TBCA: variants seen among roughly 807,000 people sequenced by gnomAD.
TBCA encodes the protein tubulin folding cofactor A, also known as tubulin-specific chaperone A.
Under a neutral mutation model 15.8 loss-of-function variants are expected in TBCA, and 6 were observed. The ratio of observed to expected loss-of-function variants is 0.38; its 90% confidence interval spans 0.21 to 0.75. The LOEUF (loss-of-function observed/expected upper bound fraction) is 0.75. TBCA is among the 30% of genes least tolerant of loss of function. The pLI, the probability that TBCA is intolerant of heterozygous loss-of-function variation, is 0.46. For missense variants in TBCA, 90 were observed against 131.2 expected (o/e 0.69, Z 1.53); for synonymous variants, 32 against 42.3 (o/e 0.76, Z 0.94).
At chr5:77,694,518 C>T (rs1051939430) in intron 2 of TBCA, among the ~76,000 whole-genome samples, 1 of 152,012 alleles carries the variant, frequency 6.6e-6, no homozygotes, top group Non-Finnish European at 1.5e-5. Context: ...TAAGTTAATG[C>T]CACATATTGG....
intron 1 of TBCA, among the ~76,000 whole-genome samples, chr5:77,752,380 T>C (rs1047436254): frequency 2.0e-5 from 3 of 152,318 alleles, no homozygotes; most frequent in Admixed American, 2.0e-4. Context: ...TCCTTCCGAT[T>C]TTCCTTTCTG....
chr5:77,724,615 C>T (rs1746590648), intron 1 of TBCA, among the ~76,000 whole-genome samples: 1 of 152,096 alleles, frequency 6.6e-6, no homozygotes, highest in Admixed American at 6.5e-5. Context: ...GCATTGGTTT[C>T]ACACTTCAAC....
At chr5:77,724,843 T>C (rs1202645414) in intron 1 of TBCA, among the ~76,000 whole-genome samples, 1 of 152,214 alleles carries the variant, frequency 6.6e-6, no homozygotes, top group Non-Finnish European at 1.5e-5. Flanking sequence ...TCTAGGATTT[T>C]TGTGTTAAGA....
intron 1 of TBCA, among the ~76,000 whole-genome samples, chr5:77,737,958 T>G (rs960952511): frequency 1.3e-5 from 2 of 152,252 alleles, no homozygotes; most frequent in East Asian, 1.9e-4. Context: ...ATTGCCTTAT[T>G]ATCTGCTCTG....
At chr5:77,768,998 T>A (rs531352594) in intron 1 of TBCA, among the ~76,000 whole-genome samples, 42 of 152,232 alleles carry the variant, frequency 2.8e-4, no homozygotes, top group Non-Finnish European at 2.9e-5. Context: ...ATCTTTCATC[T>A]CCACATTCAA....
Position 77,694,028 on chromosome 5 carries a change from T to C in TBCA, c.160-676A>G, listed in dbSNP as rs554716841. On this transcript the variant is annotated intron_variant, in intron 2 of 3. Coordinates refer to ENST00000380377, the MANE Select transcript of TBCA (RefSeq NM_004607.3). Reference sequence around the variant, plus strand: ...TATCTAAAATGGGATCAGCTGGTTATATAAATATCTCCTGCATCTTTTGAG... The same window carrying C: ...TATCTAAAATGGGATCAGCTGGTTACATAAATATCTCCTGCATCTTTTGAG... 2.0e-4 allele frequency among the ~76,000 whole-genome samples: 30 copies of C among 152,298 alleles called. No homozygotes were observed. The South Asian group carries it at 4.8e-3, about 24-fold the overall frequency.
intron 1 of TBCA, among the ~76,000 whole-genome samples, chr5:77,768,393 CA>C (rs1192779374): frequency 6.6e-6 from 1 of 152,164 alleles, no homozygotes; most frequent in Non-Finnish European, 1.5e-5. Context: ...GTAACTTTCC[CA>C]GGGTCACATA....
intron 1 of TBCA, among the ~76,000 whole-genome samples, chr5:77,727,040 T>G (rs1262982706): frequency 6.6e-6 from 1 of 152,082 alleles, no homozygotes; most frequent in African/African-American, 2.4e-5. Context: ...TCTAACAATG[T>G]ATCCCTCTTG....
chr5:77,727,581 C>T (rs562195424), intron 1 of TBCA, among the ~76,000 whole-genome samples: 1 of 152,260 alleles, frequency 6.6e-6, no homozygotes, highest in South Asian at 2.1e-4. Context: ...GGAACAAAAT[C>T]ATTCCTTTTA....
intron 1 of TBCA, among the ~76,000 whole-genome samples, chr5:77,709,100 C>T (rs1657613007): frequency 6.6e-6 from 1 of 151,114 alleles, no homozygotes; most frequent in Admixed American, 6.6e-5. Flanking sequence ...ATGTCAAATC[C>T]AAAACAAAGA....
chr5:77,718,291 A>C (rs1580106015), intron 1 of TBCA, among the ~76,000 whole-genome samples: 1 of 152,350 alleles, frequency 6.6e-6, no homozygotes, highest in South Asian at 2.1e-4. Flanking sequence ...TAAAATATCA[A>C]GGCCTATAAA....
chr5:77,760,998 AC>A (rs1747615461), intron 1 of TBCA, among the ~76,000 whole-genome samples: 1 of 131,140 alleles, frequency 7.6e-6, no homozygotes, highest in Non-Finnish European at 1.6e-5. Context: ...CCCGGCCGCC[AC>A]CCCGTCTGGG....
At chr5:77,764,818 T>C (rs1289000032) in intron 1 of TBCA, among the ~76,000 whole-genome samples, 1 of 152,102 alleles carries the variant, frequency 6.6e-6, no homozygotes, top group African/African-American at 2.4e-5. Context: ...AACCCAAAAG[T>C]CATTGCTAGC....
intron 1 of TBCA, among the ~76,000 whole-genome samples, chr5:77,714,445 CAGA>C (rs1024732492): frequency 3.9e-5 from 6 of 152,034 alleles, no homozygotes; most frequent in African/African-American, 7.2e-5. Flanking sequence ...CAGTAGATAT[CAGA>C]AGAAGATGGT....
At chr5:77,724,360 C>T (rs1274013283) in intron 1 of TBCA, among the ~76,000 whole-genome samples, 1 of 152,036 alleles carries the variant, frequency 6.6e-6, no homozygotes. Flanking sequence ...CATAACTAAG[C>T]ATCTGTAACT....
At chr5:77,729,614 G>T (rs1014726796) in intron 1 of TBCA, among the ~76,000 whole-genome samples, 18 of 152,288 alleles carry the variant, frequency 1.2e-4, no homozygotes, top group African/African-American at 4.3e-4. Context: ...AAGAAAAAAA[G>T]TTCCTTTGCT....
intron 2 of TBCA, among the ~76,000 whole-genome samples, chr5:77,700,441 A>G (rs1231216717): frequency 6.6e-6 from 1 of 152,236 alleles, no homozygotes; most frequent in African/African-American, 2.4e-5. Flanking sequence ...ACAGCAAATA[A>G]GCACATGAAA....
chr5:77,739,819 T>C (rs773608980), intron 1 of TBCA, among the ~76,000 whole-genome samples: 168 of 152,268 alleles, frequency 1.1e-3, no homozygotes, highest in Middle Eastern at 6.8e-3. Flanking sequence ...ATTCCACAAC[T>C]AGAAACTCAG....
At chr5:77,739,530 C>T (rs1221049479) in intron 1 of TBCA, among the ~76,000 whole-genome samples, 2 of 152,158 alleles carry the variant, frequency 1.3e-5, no homozygotes, top group African/African-American at 2.4e-5. Flanking sequence ...CTTCCTCTTC[C>T]CTGCCCACTT....
Sources: gnomAD v4.1 joint callset for allele counts (sites outside exome capture counted in the v4.1 genomes callset) on GRCh38, gnomAD v4.1.1 for gene constraint, MANE v1.5 for transcripts, NCBI Gene and HGNC (gene_info 2026-07-23, HGNC 2026-07-21) for gene names.